NMNAT3: variants seen among roughly 807,000 people sequenced by gnomAD.
NMNAT3 encodes nicotinamide nucleotide adenylyltransferase 3.
A neutral mutation model predicts 24.8 loss-of-function variants in NMNAT3; 21 were observed. The observed-to-expected ratio is 0.85, with a 90% confidence interval of 0.60 to 1.22. The LOEUF (loss-of-function observed/expected upper bound fraction) is 1.22, where lower values mean the gene tolerates loss of function less well. Ranked by LOEUF, NMNAT3 falls within the 50% of genes most tolerant of loss-of-function variation. The pLI is 0.00. For missense variants in NMNAT3, 387 were observed against 436.6 expected (o/e 0.89, Z 1.01); for synonymous variants, 136 against 155.2 (o/e 0.88, Z 0.92).
Position 139,560,848 on chromosome 3 carries a change from G to T in NMNAT3, c.*162C>A. On this transcript the variant is annotated 3_prime_UTR_variant, in exon 7 of 7. Transcript: ENST00000643695. ...AGACCTTTCCTCTCCTGTAAAGAAG[G>T]TATCTCTTCCTGGGACAGAAGACTC... 3.0e-6 allele frequency: 2 copies of T among 662,746 alleles called. No homozygotes were observed. Among genetic ancestry groups the T allele is most frequent in the Non-Finnish European group, 5.2e-6 (2 of 388,342 alleles). The allele number at this position is 662,746 out of a possible 1,614,324, so 41.1% of individuals were successfully genotyped here.
chr3:139,580,987 A>G (rs1940096538), intron 4 of NMNAT3, among the ~76,000 whole-genome samples: 1 of 152,230 alleles, frequency 6.6e-6, no homozygotes, highest in South Asian at 2.1e-4. Context: ...GAGTGAAATT[A>G]CATGTTATTA....
chr3:139,579,523 A>C (rs1939853066), intron 4 of NMNAT3, among the ~76,000 whole-genome samples: 1 of 152,192 alleles, frequency 6.6e-6, no homozygotes, highest in Admixed American at 6.5e-5. Flanking sequence ...TTTAGCGTGA[A>C]CCAGGGTTGG....
Position 139,673,760 on chromosome 3 carries a change from G to A in NMNAT3, c.-141+3945C>T, listed in dbSNP as rs528531608. Reference sequence around the variant, plus strand: ...TTGAATCCCCAGGACACTGCCTGAAGTATGTGTAGAAGAAAGAAAGGGAGG... The same window carrying A: ...TTGAATCCCCAGGACACTGCCTGAAATATGTGTAGAAGAAAGAAAGGGAGG... On this transcript the variant is annotated intron_variant, in intron 1 of 6. Transcript: ENST00000643695. 2.4e-4 allele frequency among the ~76,000 whole-genome samples: 37 copies of A among 152,164 alleles called. 1 individual carries two copies. The highest frequency in any genetic ancestry group is 8.4e-4 in the African/African-American group (35 of 41,508).
chr3:139,590,644 T>C (rs1332749336), intron 3 of NMNAT3, among the ~76,000 whole-genome samples: 1 of 152,118 alleles, frequency 6.6e-6, no homozygotes, highest in Non-Finnish European at 1.5e-5. Flanking sequence ...TTTTATTATC[T>C]AATAAATTTA....
chr3:139,634,153 C>T (rs892898753), intron 2 of NMNAT3, among the ~76,000 whole-genome samples: 1 of 152,192 alleles, frequency 6.6e-6, no homozygotes, highest in Non-Finnish European at 1.5e-5. Context: ...TGTCACAGGC[C>T]GTCGCGGAGG....
Position 139,655,200 on chromosome 3 carries a change from G to GT in NMNAT3, c.-140-17139_-140-17138insA, listed in dbSNP as rs2057198081. On this transcript the variant is annotated intron_variant, in intron 1 of 6. Transcript: ENST00000643695. ...TCAACAGAGTGGCTAAGGTGCATGG[G>GT]AGGCCTGCGCCAGCCTGCCAAGGGC... is the stretch of plus-strand genomic sequence containing the variant. 2.6e-5 allele frequency among the ~76,000 whole-genome samples: 4 copies of GT among 152,342 alleles called. No homozygotes were observed. The South Asian group carries it at 8.3e-4, about 32-fold the overall frequency.
At chr3:139,633,445 G>T (rs1431461786) in intron 2 of NMNAT3, among the ~76,000 whole-genome samples, 1 of 152,116 alleles carries the variant, frequency 6.6e-6, no homozygotes, top group Non-Finnish European at 1.5e-5. Flanking sequence ...CTCCCAAAGT[G>T]CTGGGATTAC....
At chr3:139,592,192 T>C (rs2054224945) in intron 3 of NMNAT3, among the ~76,000 whole-genome samples, 1 of 152,156 alleles carries the variant, frequency 6.6e-6, no homozygotes, top group Non-Finnish European at 1.5e-5. Flanking sequence ...CAGGAGCCGA[T>C]GCGATCAAGT....
chr3:139,638,354 A>T (rs2056580324), intron 1 of NMNAT3, among the ~76,000 whole-genome samples: 1 of 152,180 alleles, frequency 6.6e-6, no homozygotes, highest in Non-Finnish European at 1.5e-5. Context: ...GCCTCTGCCC[A>T]TACCCAACCT....
At chr3:139,650,852 T>C (rs967095490) in intron 1 of NMNAT3, among the ~76,000 whole-genome samples, 8 of 152,192 alleles carry the variant, frequency 5.3e-5, no homozygotes, top group African/African-American at 1.9e-4. Context: ...GCTGACATCA[T>C]GCCAAGGGAG....
chr3:139,586,075 A>C (rs1403215432), intron 3 of NMNAT3, among the ~76,000 whole-genome samples: 6 of 152,220 alleles, frequency 3.9e-5, no homozygotes, highest in African/African-American at 1.4e-4. Flanking sequence ...CCAGGTGTTT[A>C]TCTCTCAGCT....
intron 3 of NMNAT3, among the ~76,000 whole-genome samples, chr3:139,619,949 A>G (rs1013123253): frequency 1.3e-5 from 2 of 152,206 alleles, no homozygotes; most frequent in Non-Finnish European, 2.9e-5. Flanking sequence ...ACATTTAAAC[A>G]ATAATTTTTA....
intron 3 of NMNAT3, among the ~76,000 whole-genome samples, chr3:139,595,144 A>G (rs2054388228): frequency 6.6e-6 from 1 of 152,236 alleles, no homozygotes; most frequent in African/African-American, 2.4e-5. Flanking sequence ...TACAAAAATA[A>G]CAAGCATTCT....
intron 6 of NMNAT3, chr3:139,566,256 A>G (rs1277970105): frequency 1.3e-5 from 2 of 151,778 alleles, no homozygotes; most frequent in African/African-American, 2.4e-5. Flanking sequence ...TAGATTCTGG[A>G]TATTAGCCCT....
intron 1 of NMNAT3, among the ~76,000 whole-genome samples, chr3:139,656,613 C>A (rs1467966589): frequency 6.6e-6 from 1 of 152,126 alleles, no homozygotes; most frequent in Non-Finnish European, 1.5e-5. Context: ...CACAGTAAGA[C>A]CCCCATATCT....
At chr3:139,653,329 C>A (rs1470893263) in intron 1 of NMNAT3, among the ~76,000 whole-genome samples, 3 of 151,748 alleles carry the variant, frequency 2.0e-5, no homozygotes, top group African/African-American at 7.3e-5. Context: ...TTGTTAAAAC[C>A]CCCATAATTT....
intron 2 of NMNAT3, among the ~76,000 whole-genome samples, chr3:139,632,195 T>A (rs1486065746): frequency 6.6e-6 from 1 of 152,154 alleles, no homozygotes; most frequent in African/African-American, 2.4e-5. Flanking sequence ...TTGTCAGATG[T>A]CTACCTCCTC....
In NMNAT3 at chr3:139,653,112, A is replaced by T. The variant is rs2108395034; in HGVS notation, c.-140-15050T>A. ...GCCATAAGTTGCAGTTTATGGAGTCATTGCTTCATAAATGTCACTGTATTG... is the reference window on the plus strand; with the variant it reads ...GCCATAAGTTGCAGTTTATGGAGTCTTTGCTTCATAAATGTCACTGTATTG... On this transcript the variant is annotated intron_variant, in intron 1 of 6. Transcript: ENST00000643695. Among the ~76,000 whole-genome samples, 3 of 152,308 alleles carry T rather than the reference A, an allele frequency of 2.0e-5. 1 individual carries two copies. Among genetic ancestry groups the T allele is most frequent in the Admixed American group, 2.0e-4 (3 of 15,298 alleles).
chr3:139,597,217 C>T (rs2054525035), intron 3 of NMNAT3, among the ~76,000 whole-genome samples: 1 of 151,584 alleles, frequency 6.6e-6, no homozygotes, highest in Non-Finnish European at 1.5e-5. Flanking sequence ...TTTCTATTCC[C>T]TTGCTTCTGT....
Sources: allele counts gnomAD v4.1 joint callset (sites outside exome capture counted in the v4.1 genomes callset), GRCh38; gene constraint gnomAD v4.1.1; transcripts MANE v1.5; gene names NCBI Gene and HGNC (gene_info 2026-07-23, HGNC 2026-07-21).